The following TEX14 variants were observed in gnomAD, a reference collection of about 807,000 sequenced individuals.
The protein encoded by TEX14 is testis expressed 14, intercellular bridge forming factor.
A neutral mutation model predicts 178.6 loss-of-function variants in TEX14; 168 were observed. The ratio of observed to expected loss-of-function variants is 0.94; its 90% CI spans 0.83 to 1.07. The LOEUF (loss-of-function observed/expected upper bound fraction) is 1.07. Among genes scored for constraint, TEX14 ranks in the 50% least tolerant of loss-of-function variants. TEX14 has a pLI of 0.00. For synonymous variants in TEX14, 626 were observed against 634.1 expected (o/e 0.99, Z 0.19); for missense variants, 1,730 against 1,753.6 (o/e 0.99, Z 0.24).
chr17:58,592,106 A>G (rs1015858692), intron 15 of TEX14, among the ~76,000 whole-genome samples: 1 of 151,924 alleles, frequency 6.6e-6, no homozygotes, highest in African/African-American at 2.4e-5. Flanking sequence ...CCCTTTTAGT[A>G]ATTCCCTTAC....
At chr17:58,568,148 G>T (rs531392794) in intron 26 of TEX14, among the ~76,000 whole-genome samples, 10 of 152,320 alleles carry the variant, frequency 6.6e-5, no homozygotes, top group African/African-American at 2.4e-4. Flanking sequence ...GGAAAGCAGG[G>T]GTGGGAGTGT....
intron 29 of TEX14, among the ~76,000 whole-genome samples, chr17:58,560,064 T>C (rs1247439140): frequency 1.3e-5 from 2 of 152,220 alleles, no homozygotes; most frequent in Non-Finnish European, 2.9e-5. Flanking sequence ...ACCATGTTTG[T>C]CAATCTATTA....
chr17:58,573,015 C>T (rs976838617), intron 23 of TEX14, among the ~76,000 whole-genome samples, 166 bp downstream of exon 23: 2 of 152,264 alleles, frequency 1.3e-5, no homozygotes, highest in Admixed American at 6.5e-5. Flanking sequence ...CCACCATCAC[C>T]CCGCCCCCTG....
At chr17:58,574,504 C>T (rs972775615) in intron 21 of TEX14, among the ~76,000 whole-genome samples, 6 of 151,760 alleles carry the variant, frequency 4.0e-5, no homozygotes, top group East Asian at 1.9e-4. Flanking sequence ...GGTGAAACCC[C>T]GTCTCTACTA....
At chr17:58,642,278 A>G (rs2046593324) in intron 2 of TEX14, among the ~76,000 whole-genome samples, 1 of 152,138 alleles carries the variant, frequency 6.6e-6, no homozygotes. Flanking sequence ...GTTCTAATCA[A>G]CCACACTTTT....
In TEX14 at chr17:58,556,889, A is replaced by T; in HGVS notation, c.*122T>A. ...TGATGTCTATTGTGGCAGCTGAACA[A>T]AGTGAGACTTACAGAACTGGAACTG... is the stretch of plus-strand genomic sequence containing the variant. On this transcript the variant is annotated 3_prime_UTR_variant, in exon 32 of 32. Coordinates refer to ENST00000349033, the MANE Select transcript of TEX14 (RefSeq NM_031272.5). 1 of 804,758 alleles carries T rather than the reference A, an allele frequency of 1.2e-6. No individual in the cohort carries two copies. Among genetic ancestry groups the T allele is most frequent in the South Asian group, 1.4e-5 (1 of 70,208 alleles). 49.9% of individuals were successfully genotyped at this position (804,758 alleles called of 1,614,324 possible).
Position 58,622,836 on chromosome 17 carries a change from C to G in TEX14, c.417+11G>C. 1 of 1,599,928 alleles carries G rather than the reference C, an allele frequency of 6.3e-7. No individual in the cohort carries two copies. Among genetic ancestry groups the G allele is most frequent in the East Asian group, 2.2e-5 (1 of 44,498 alleles). On this transcript the variant is annotated intron_variant, in intron 4 of 31. Transcript: ENST00000349033. ...TAGTGGGCATGGCTACAGAGTGGGACCCACCCTTACCTGGGTGCTACGCTC... is the reference window on the plus strand; with the variant it reads ...TAGTGGGCATGGCTACAGAGTGGGAGCCACCCTTACCTGGGTGCTACGCTC...
intron 1 of TEX14, among the ~76,000 whole-genome samples, chr17:58,676,257 T>A (rs563476000): frequency 1.3e-4 from 20 of 152,130 alleles, no homozygotes; most frequent in Non-Finnish European, 2.6e-4. Flanking sequence ...GTGCCTGTAA[T>A]CCCAGCTACT....
intron 2 of TEX14, among the ~76,000 whole-genome samples, chr17:58,635,868 C>G (rs1209859307): frequency 1.3e-5 from 2 of 152,168 alleles, no homozygotes; most frequent in East Asian, 1.9e-4. Flanking sequence ...GCCTCAGCCT[C>G]CCCAGTAGCT....
chr17:58,605,233 C>T, intron 10 of TEX14, 104 bp from the exon 11 acceptor site: 5 of 1,376,890 alleles, frequency 3.6e-6, no homozygotes, highest in Non-Finnish European at 4.9e-6. Context: ...GCCCTGTCAC[C>T]CAGGCTGGAA....
chr17:58,624,498 T>G (rs1404490510), intron 3 of TEX14, among the ~76,000 whole-genome samples: 2 of 151,514 alleles, frequency 1.3e-5, no homozygotes, highest in Non-Finnish European at 2.9e-5. Flanking sequence ...CCGCCACCCA[T>G]GCCCAGTTAA....
At chr17:58,685,194 G>T (rs1222426143) in intron 1 of TEX14, among the ~76,000 whole-genome samples, 1 of 152,046 alleles carries the variant, frequency 6.6e-6, no homozygotes, top group Non-Finnish European at 1.5e-5. Flanking sequence ...AGCACGTTGG[G>T]AGGCCGAGGT....
intron 1 of TEX14, among the ~76,000 whole-genome samples, chr17:58,657,943 T>C (rs533894278): frequency 3.3e-5 from 5 of 152,294 alleles, no homozygotes; most frequent in African/African-American, 1.2e-4. Context: ...GTGCTTGACA[T>C]ATTTTGCAGA....
At position 58,661,563 on chromosome 17, in the gene TEX14, G is replaced by A. The variant is rs763860516; in HGVS notation, c.-1-9561C>T. On this transcript the variant is annotated intron_variant, in intron 1 of 31. Coordinates refer to ENST00000349033, the MANE Select transcript of TEX14 (RefSeq NM_031272.5). ...CTGGAATCGAACAGCTCGGGGAGCC[G>A]CGGCGGCGGCAGGAACTCGTCTTCA... 4 of 740,070 alleles carry A rather than the reference G, an allele frequency of 5.4e-6. No individual in the cohort carries two copies. The South Asian group carries it at 5.8e-5, about 11-fold the overall frequency. The allele number at this position is 740,070 out of a possible 1,614,324, so 45.8% of individuals were successfully genotyped here.
At chr17:58,560,677 C>T (rs933148229) in intron 29 of TEX14, among the ~76,000 whole-genome samples, 9 of 152,122 alleles carry the variant, frequency 5.9e-5, no homozygotes, top group African/African-American at 1.9e-4. Context: ...GGCTGAGCCT[C>T]TCAGCTCCTT....
chr17:58,573,302 C>A lies in TEX14; in HGVS notation c.3390G>T (p.Leu1130Phe). ...PKELKEKDIS[L>F]TDIQDLSSIS... Reference sequence around the variant, plus strand: ...TACTAGACAGGTCTTGAATATCCGTCAATGATCTAAAGAATTAAGAGCACA... The same window carrying A: ...TACTAGACAGGTCTTGAATATCCGTAAATGATCTAAAGAATTAAGAGCACA... Residue 1130 changes from leucine (L) to phenylalanine (F), a missense_variant, in exon 23 of 32, where the codon TTG becomes TTT. By Grantham distance (22) the Leu-to-Phe change is conservative. Transcript: ENST00000349033. 1 of 1,613,340 alleles carries A rather than the reference C, an allele frequency of 6.2e-7. No homozygotes were observed. Among genetic ancestry groups the A allele is most frequent in the South Asian group, 1.1e-5 (1 of 90,996 alleles).
intron 1 of TEX14, among the ~76,000 whole-genome samples, chr17:58,683,052 C>CAAAAAAAAAAAAAA (rs1194798521): frequency 2.2e-4 from 12 of 54,044 alleles, no homozygotes; most frequent in African/African-American, 8.2e-4. Context: ...GAGTCTGTCT[C>CAAAAAAAAAAAAAA]AAAAAAAAAA....
chr17:58,601,613 G>A (rs933653187), intron 13 of TEX14, among the ~76,000 whole-genome samples, 193 bp downstream of exon 13: 21 of 152,090 alleles, frequency 1.4e-4, no homozygotes, highest in African/African-American at 4.6e-4. Flanking sequence ...AGAATCACTT[G>A]AACCCAGGAA....
In TEX14 at chr17:58,561,586, A is replaced by G; in HGVS notation, c.4091T>C (p.Leu1364Pro). The G allele has an allele frequency of 6.2e-7, 1 of 1,613,824 alleles. No homozygotes were observed. The highest frequency in any genetic ancestry group is 8.5e-7 in the Non-Finnish European group (1 of 1,179,684). Reference sequence around the variant, plus strand: ...CTCAGGTGGCTGCAGCCATCTTTCCAGGTCCTCATCCAGAGTAGAGTGAGC... The same window carrying G: ...CTCAGGTGGCTGCAGCCATCTTTCCGGGTCCTCATCCAGAGTAGAGTGAGC... ...ERAHSTLDED[L>P]ERWLQPPEES... The change falls in exon 29 of 32, where the codon CTG (leucine) becomes CCG (proline). Residue 1364 changes from leucine (L) to proline (P), a missense_variant. Leu to Pro is a moderately conservative substitution (Grantham distance 98). This residue lies in a region of TEX14 where 941 missense variants were observed against 1,072.4 expected (regional missense o/e 0.88). Coordinates refer to ENST00000349033, the MANE Select transcript of TEX14 (RefSeq NM_031272.5).
Sources: allele counts gnomAD v4.1 joint callset (sites outside exome capture counted in the v4.1 genomes callset), GRCh38; gene constraint gnomAD v4.1.1; regional missense constraint gnomAD v4.1.1; transcripts MANE v1.5; gene names NCBI Gene and HGNC (gene_info 2026-07-23, HGNC 2026-07-21).